The following INSL6 variants were observed in gnomAD, a reference collection of about 807,000 sequenced individuals.
INSL6 encodes the protein insulin like 6.
A neutral mutation model predicts 9.4 loss-of-function variants in INSL6; 16 were observed. The observed-to-expected ratio is 1.70, with a 90% CI of 1.15 to 2.59. INSL6 has a LOEUF of 2.59. Ranked by LOEUF, INSL6 falls within the 30% of genes most tolerant of loss-of-function variation. The pLI is 0.00. For missense variants in INSL6, 391 were observed against 257.3 expected (o/e 1.52, Z -3.56); for synonymous variants, 154 against 96.9 (o/e 1.59, Z -3.46).
chr9:5,148,862 T>C (rs1054912795), intron 2 of INSL6, among the ~76,000 whole-genome samples: 2 of 152,186 alleles, frequency 1.3e-5, no homozygotes, highest in Non-Finnish European at 2.9e-5. Flanking sequence ...CATCAGAGGC[T>C]TCACTGATTA....
chr9:5,034,041 G>A, the INSL6 span, among the ~76,000 whole-genome samples: 5 of 152,132 alleles, frequency 3.3e-5, no homozygotes, highest in Admixed American at 2.6e-4. Context: ...AAGGGATGGA[G>A]GAACATCTAC....
intron 3 of INSL6, chr9:5,126,133 G>T: frequency 2.1e-6 from 1 of 472,298 alleles, no homozygotes; most frequent in Non-Finnish European, 3.7e-6. Context: ...GTTTATTACA[G>T]CTATGGAAAT....
At chr9:5,123,131 CT>C (rs1236702334), downstream of INSL6, 5 of 1,523,546 alleles carry the variant, frequency 3.3e-6, no homozygotes, top group South Asian at 3.6e-5. Context: ...GGTCAGTGTG[CT>C]TTTTATTTAC....
the INSL6 span, among the ~76,000 whole-genome samples, chr9:5,092,105 C>T: frequency 6.6e-6 from 1 of 152,016 alleles, no homozygotes; most frequent in Non-Finnish European, 1.5e-5. Context: ...AAAGTAAGCA[C>T]AAGTAAATAC....
the INSL6 span, chr9:5,085,141 A>G: frequency 1.5e-6 from 1 of 647,904 alleles, no homozygotes; most frequent in Admixed American, 1.8e-5. Context: ...ACTCTGTAAT[A>G]CATACTGTGG....
Position 5,135,871 on chromosome 9 carries a change from C to T in INSL6, c.377-2279G>A, listed in dbSNP as rs191243618. Among the ~76,000 whole-genome samples, 55 of 152,014 alleles carry T rather than the reference C, an allele frequency of 3.6e-4. 1 individual carries two copies. The East Asian group carries it at 4.1e-3, about 11-fold the overall frequency. On this transcript the variant is annotated intron_variant, in intron 2 of 3. Coordinates refer to the INSL6 transcript ENST00000649639. ...GAAAAAAATCAACAAAATAGATACA[C>T]GGCTAGCCAGATTAATAAACAAGAA...
rs549316993 is a variant in INSL6 at position 5,177,097 on chromosome 9, A to T, written c.289+8217T>A. Reference sequence around the variant, plus strand: ...GGTCGGGGGGAGTTGGGTGCACAAGATGGCCAATTAGATGCAGCTGTGATC... The same window carrying T: ...GGTCGGGGGGAGTTGGGTGCACAAGTTGGCCAATTAGATGCAGCTGTGATC... On this transcript the variant is annotated intron_variant, in intron 1 of 1. Transcript: ENST00000381641. 1.3e-5 allele frequency among the ~76,000 whole-genome samples: 2 copies of T among 152,264 alleles called. 1 individual carries two copies. Among genetic ancestry groups the T allele is most frequent in the East Asian group, 3.9e-4 (2 of 5,182 alleles).
At chr9:5,142,495 C>T (rs72701644) in intron 2 of INSL6, among the ~76,000 whole-genome samples, 3,548 of 152,210 alleles carry the variant, frequency 0.023, 65 homozygotes, top group Non-Finnish European at 0.038. Context: ...ATTTGGCTCT[C>T]AACTTGAGGT....
chr9:5,062,500 T>TAAAAAAAAAGAAAA, the INSL6 span, among the ~76,000 whole-genome samples: 1 of 58,248 alleles, frequency 1.7e-5, no homozygotes, highest in African/African-American at 1.0e-4. Flanking sequence ...CTTCCATTTG[T>TAAAAAAAAAGAAAA]AAAAAAAAAA....
the INSL6 span, chr9:5,050,581 T>A: frequency 8.2e-7 from 1 of 1,212,518 alleles, no homozygotes; most frequent in Admixed American, 2.2e-5. Context: ...AATTTGTATC[T>A]TGTAAATGCA....
intron 1 of INSL6, among the ~76,000 whole-genome samples, chr9:5,183,256 A>G (rs1825497646): frequency 6.6e-6 from 1 of 152,222 alleles, no homozygotes; most frequent in Admixed American, 6.5e-5. Flanking sequence ...TCATGTTGAT[A>G]ACCTAACCCA....
chr9:5,102,770 C>T, the INSL6 span, among the ~76,000 whole-genome samples: 17 of 152,228 alleles, frequency 1.1e-4, 1 homozygote, highest in African/African-American at 3.9e-4. Context: ...CTTTTCAACC[C>T]AGAATTTCAT....
chr9:5,138,729 A>AT (rs1554688838), intron 2 of INSL6, among the ~76,000 whole-genome samples: 5 of 37,120 alleles, frequency 1.3e-4, no homozygotes, highest in East Asian at 0.011. Context: ...TTAAACTATA[A>AT]TAAAAAAAAA....
chr9:5,027,344 T>C, the INSL6 span, among the ~76,000 whole-genome samples: 2 of 152,346 alleles, frequency 1.3e-5, no homozygotes, highest in South Asian at 2.1e-4. Flanking sequence ...CTGTTAAGTA[T>C]GCAATAATAT....
intron 2 of INSL6, among the ~76,000 whole-genome samples, chr9:5,145,355 G>A (rs1246412798): frequency 6.6e-6 from 1 of 152,070 alleles, no homozygotes; most frequent in East Asian, 1.9e-4. Flanking sequence ...TCCCTTTATA[G>A]GTGACCTGGC....
chr9:5,044,375 C>T, the INSL6 span: 3 of 1,399,306 alleles, frequency 2.1e-6, no homozygotes, highest in South Asian at 1.2e-5. Flanking sequence ...TATTTGGAAG[C>T]TGACCAAATG....
downstream of INSL6, among the ~76,000 whole-genome samples, chr9:5,162,137 T>G (rs967747229): frequency 6.6e-6 from 1 of 152,114 alleles, no homozygotes; most frequent in Non-Finnish European, 1.5e-5. Flanking sequence ...AGCAAGATGT[T>G]AGGATTAAAA....
At chr9:5,140,495 T>C (rs185927826) in intron 2 of INSL6, among the ~76,000 whole-genome samples, 10 of 152,280 alleles carry the variant, frequency 6.6e-5, no homozygotes, top group Admixed American at 5.9e-4. Context: ...GTGATTATTA[T>C]GATAACCTTC....
downstream of INSL6, chr9:5,163,848 C>CA (rs35123699): frequency 1.9e-3 from 1,994 of 1,050,518 alleles, 6 homozygotes; most frequent in African/African-American, 0.019. Flanking sequence ...TGCACAATTA[C>CA]AAAAAAAAAT....
Sources: allele counts gnomAD v4.1 joint callset (sites outside exome capture counted in the v4.1 genomes callset), GRCh38; gene constraint gnomAD v4.1.1; transcripts MANE v1.5; gene names NCBI Gene and HGNC (gene_info 2026-07-23, HGNC 2026-07-21).